Variants in ANKRD13D observed in about 807,000 individuals in gnomAD.
ANKRD13D encodes the protein ankyrin repeat domain-containing protein 13D.
In ANKRD13D, 24 loss-of-function variants were observed where a neutral mutation model predicts 68.8. The observed-to-expected ratio is 0.35, with a 90% CI of 0.25 to 0.49. ANKRD13D has a LOEUF of 0.49. Ranked by LOEUF, ANKRD13D falls within the 20% of genes least tolerant of loss-of-function variation. The pLI is 0.99. For synonymous variants in ANKRD13D, 331 were observed against 336.1 expected (o/e 0.98, Z 0.16); for missense variants, 735 against 832.1 (o/e 0.88, Z 1.44).
chr11:67,294,753 C>T (rs1260657321), intron 6 of ANKRD13D, among the ~76,000 whole-genome samples: 1 of 152,094 alleles, frequency 6.6e-6, no homozygotes, highest in Admixed American at 6.6e-5. Flanking sequence ...TCGGACCAGG[C>T]TGGTCTCCAA....
intron 6 of ANKRD13D, among the ~76,000 whole-genome samples, chr11:67,296,782 C>A (rs1219875090): frequency 2.0e-5 from 3 of 152,022 alleles, no homozygotes; most frequent in Non-Finnish European, 2.9e-5. Flanking sequence ...CACCACCAAG[C>A]CCAGCTAATT....
At chr11:67,297,526 G>GTTT (rs34979469) in intron 6 of ANKRD13D, among the ~76,000 whole-genome samples, 13 of 134,388 alleles carry the variant, frequency 9.7e-5, no homozygotes, top group Admixed American at 4.4e-4. Context: ...AAGTTTTTTG[G>GTTT]TTTTTTTTTT....
rs530505341 is a variant in ANKRD13D at position 67,302,137 on chromosome 11, G to C, written c.1623G>C (p.Leu541=). ...CTGGAAGGGCCCTCCAGGAAAGCCTGCAGCTGTCCACAGAGCCCAGGGGCC... is the reference window on the plus strand; with the variant it reads ...CTGGAAGGGCCCTCCAGGAAAGCCTCCAGCTGTCCACAGAGCCCAGGGGCC... ...LQLERALQES[L]QLSTEPRGPG... Residue 541 remains leucine (L), a synonymous_variant, in exon 15 of 15, where the codon CTG becomes CTC. Coordinates refer to ENST00000511455, the MANE Select transcript of ANKRD13D (RefSeq NM_207354.3). 5.7e-5 allele frequency: 90 copies of C among 1,586,052 alleles called. No homozygotes were observed. The African/African-American group carries it at 1.1e-3, about 20-fold the overall frequency.
intron 6 of ANKRD13D, among the ~76,000 whole-genome samples, chr11:67,294,044 A>T (rs1350148870): frequency 6.6e-6 from 1 of 152,210 alleles, no homozygotes; most frequent in Non-Finnish European, 1.5e-5. Context: ...AGTTGACCAT[A>T]GATAAATTGG....
Position 67,299,312 on chromosome 11 carries a change from A to G in ANKRD13D, c.798+188A>G, listed in dbSNP as rs527573062. 194 of 736,280 alleles carry G rather than the reference A, an allele frequency of 2.6e-4. No homozygotes were observed. The African/African-American group carries it at 2.9e-3, about 11-fold the overall frequency. The allele number at this position is 736,280 out of a possible 1,614,324, so 45.6% of individuals were successfully genotyped here. Reference sequence around the variant, plus strand: ...TCACCCACATCATGGGCCCCTACCCAGGGTACCGAGATCAAAAGAGGAGTG... The same window carrying G: ...TCACCCACATCATGGGCCCCTACCCGGGGTACCGAGATCAAAAGAGGAGTG... On this transcript the variant is annotated intron_variant, in intron 7 of 14. Coordinates refer to ENST00000511455, the MANE Select transcript of ANKRD13D (RefSeq NM_207354.3). The surrounding 1 kb of genome is among the most constrained non-coding windows in gnomAD (Gnocchi z 6.2).
intron 1 of ANKRD13D, 145 bp from the exon 2 acceptor site, chr11:67,289,933 A>G (rs893429441): frequency 9.7e-6 from 14 of 1,437,842 alleles, no homozygotes; most frequent in Non-Finnish European, 1.3e-5. Context: ...CTCCCCTGCC[A>G]GGACACGCAG....
Position 67,302,434 on chromosome 11 carries a change from G to T in ANKRD13D, c.*102G>T. On this transcript the variant is annotated 3_prime_UTR_variant, in exon 15 of 15. Coordinates refer to ENST00000511455, the MANE Select transcript of ANKRD13D (RefSeq NM_207354.3). Reference sequence around the variant, plus strand: ...CTGAGCTTGGGGCCTGGAGCCCCAGGAATGAGCAGGCAGGGGAGACTGAGA... The same window carrying T: ...CTGAGCTTGGGGCCTGGAGCCCCAGTAATGAGCAGGCAGGGGAGACTGAGA... 1 of 1,408,494 alleles carries T rather than the reference G, an allele frequency of 7.1e-7. No homozygotes were observed. The allele number at this position is 1,408,494 out of a possible 1,614,324, so 87.2% of individuals were successfully genotyped here.
In ANKRD13D at chr11:67,290,307, G is replaced by C. The variant is rs1860480397; in HGVS notation, c.227-15G>C. ...GTCATCTGGAGGGCTCCCCTCAGCA[G>C]CCTGGTGCCCGCAGTCCTGCAGGAG... On this transcript the variant is annotated splice_polypyrimidine_tract_variant and intron_variant, in intron 2 of 14. Coordinates refer to ENST00000511455, the MANE Select transcript of ANKRD13D (RefSeq NM_207354.3). 6.5e-7 allele frequency: 1 copy of C among 1,548,822 alleles called. No homozygotes were observed. Among genetic ancestry groups the C allele is most frequent in the Non-Finnish European group, 8.7e-7 (1 of 1,145,836 alleles).
rs747378704 is a variant in ANKRD13D at position 67,301,231 on chromosome 11, G to C, written c.1232-51G>C. 2 of 1,595,956 alleles carry C rather than the reference G, an allele frequency of 1.3e-6. No homozygotes were observed. The highest frequency in any genetic ancestry group is 2.7e-5 in the African/African-American group (2 of 74,694). ...AGTCCCTGGAGAGCTGCAGGGGCCG[G>C]AGGCACAGGTGGCTCTCCGCCAGGG... is the stretch of plus-strand genomic sequence containing the variant. On this transcript the variant is annotated intron_variant, in intron 11 of 14. Transcript: ENST00000511455. The surrounding 1 kb of genome is among the most constrained non-coding windows in gnomAD (Gnocchi z 4.5).
At chr11:67,292,588 GC>G (rs1211090945) in intron 6 of ANKRD13D, among the ~76,000 whole-genome samples, 1 of 151,434 alleles carries the variant, frequency 6.6e-6, no homozygotes, top group Non-Finnish European at 1.5e-5. Context: ...GACAACACAT[GC>G]CCCCTCTTGC....
In ANKRD13D at chr11:67,301,939, G is replaced by A; in HGVS notation, c.1604+116G>A. The A allele has an allele frequency of 1.5e-6, 2 of 1,351,034 alleles. No homozygotes were observed. The highest frequency in any genetic ancestry group is 2.0e-6 in the Non-Finnish European group (2 of 1,005,808). The allele number at this position is 1,351,034 out of a possible 1,614,324, so 83.7% of individuals were successfully genotyped here. ...CCCTCTGCAAGGCCACCCTCTGTCA[G>A]CAGCGCTATCTGCCACCAAAGGTGG... On this transcript the variant is annotated intron_variant, in intron 14 of 14. Coordinates refer to ENST00000511455, the MANE Select transcript of ANKRD13D (RefSeq NM_207354.3). The surrounding 1 kb of genome is among the most constrained non-coding windows in gnomAD (Gnocchi z 4.5).
Position 67,300,008 on chromosome 11 carries a change from GCAGCCAGCCCCACCAACCCCA to G in ANKRD13D, c.965_985del (p.Ser322_Ala328del), listed in dbSNP as rs750696794. On this transcript the variant is annotated inframe_deletion, in exon 10 of 15. Coordinates refer to ENST00000511455, the MANE Select transcript of ANKRD13D (RefSeq NM_207354.3). This position sits in a 1 kb window ranked among gnomAD's most constrained non-coding sequence, Gnocchi z 4.3. ...ACCCACGCAGGCCCCCGTGCAGCAG[GCAGCCAGCCCCACCAACCCCA>G]CAGCCATCTCCCCTGAGGAGTACTT... 4.3e-6 allele frequency: 7 copies of G among 1,612,986 alleles called. No homozygotes were observed. The highest frequency in any genetic ancestry group is 3.3e-5 in the Admixed American group (2 of 59,926).
rs1295097105 is a variant in ANKRD13D at position 67,299,891 on chromosome 11, G to T, written c.942+3G>T. The T allele has an allele frequency of 6.5e-7, 1 of 1,547,160 alleles. No individual in the cohort carries two copies. ...AGCAGCATTCCTCCCACACCGGGGTGAGCCGGGGCTGGGCCGAGACAGGGC... is the reference window on the plus strand; with the variant it reads ...AGCAGCATTCCTCCCACACCGGGGTTAGCCGGGGCTGGGCCGAGACAGGGC... On this transcript the variant is annotated splice_donor_region_variant and intron_variant, in intron 9 of 14. Transcript: ENST00000511455. The surrounding 1 kb of genome is among the most constrained non-coding windows in gnomAD (Gnocchi z 6.2).
chr11:67,298,819 C>T (rs965291726), intron 6 of ANKRD13D: 1 of 547,898 alleles, frequency 1.8e-6, no homozygotes, highest in Admixed American at 3.0e-5. Flanking sequence ...CCAGCCCCGA[C>T]ACTATCATAC....
rs1299187867 is a variant in ANKRD13D, at chr11:67,302,263, G to A, written c.1749G>A (p.Arg583=). 6.4e-7 allele frequency: 1 copy of A among 1,570,132 alleles called. No individual in the cohort carries two copies. The highest frequency in any genetic ancestry group is 8.6e-7 in the Non-Finnish European group (1 of 1,157,088). ...LELSSREQEE[R]ERRGQQEEED... ...TGTCTTCACGGGAGCAGGAGGAGCG[G>A]GAGCGGCGCGGGCAGCAGGAGGAGG... is the stretch of plus-strand genomic sequence containing the variant. The change falls in exon 15 of 15, where the codon CGG becomes CGA. Residue 583 remains arginine (R), a synonymous_variant. Transcript: ENST00000511455.
chr11:67,294,407 A>C (rs191781573), intron 6 of ANKRD13D, among the ~76,000 whole-genome samples: 59 of 152,342 alleles, frequency 3.9e-4, no homozygotes, highest in African/African-American at 1.4e-3. Context: ...ATCCGTGAAC[A>C]TGGGATGTTT....
In ANKRD13D at chr11:67,299,269, C is replaced by T. The variant is rs1860880676; in HGVS notation, c.798+145C>T. On this transcript the variant is annotated intron_variant, in intron 7 of 14. Transcript: ENST00000511455. The surrounding 1 kb of genome is among the most constrained non-coding windows in gnomAD (Gnocchi z 6.2). ...CTCAGCGGGCCTGAGTGCCCAGCCC[C>T]TGCGGAGTACACAGGGCTCACCCAC... The T allele has an allele frequency of 1.0e-6, 1 of 982,808 alleles. No individual in the cohort carries two copies. The allele number at this position is 982,808 out of a possible 1,614,324, so 60.9% of individuals were successfully genotyped here. A position where few individuals can be genotyped will look rare whatever the true frequency, so the allele number is the denominator to read the frequency against.
intron 6 of ANKRD13D, among the ~76,000 whole-genome samples, chr11:67,296,338 A>AGTGTGTGTGTGT (rs35848734): frequency 4.7e-5 from 7 of 147,680 alleles, no homozygotes; most frequent in Middle Eastern, 3.4e-3. Flanking sequence ...TTTGGGCCTG[A>AGTGTGTGTGTGT]GTGTGTGTGT....
In ANKRD13D at chr11:67,300,787, C is replaced by G. The variant is rs369002025; in HGVS notation, c.1074-203C>G. 1.4e-5 allele frequency: 9 copies of G among 624,626 alleles called. No individual in the cohort carries two copies. The highest frequency in any genetic ancestry group is 8.5e-5 in the East Asian group (3 of 35,290). 38.7% of individuals were successfully genotyped at this position (624,626 alleles called of 1,614,324 possible). A position where few individuals can be genotyped will look rare whatever the true frequency, so the allele number is the denominator to read the frequency against. On this transcript the variant is annotated intron_variant, in intron 10 of 14. Coordinates refer to ENST00000511455, the MANE Select transcript of ANKRD13D (RefSeq NM_207354.3). The surrounding 1 kb of genome is among the most constrained non-coding windows in gnomAD (Gnocchi z 4.3). ...GTACGAAATCCTCAGGAGCCCCAGC[C>G]TGGGCCCAGGGAGGAGGGCAGCTTG...
Sources: gnomAD v4.1 joint callset for allele counts (sites outside exome capture counted in the v4.1 genomes callset) on GRCh38, gnomAD v4.1.1 for gene constraint, Gnocchi (gnomAD v3.1) non-coding constraint, MANE v1.5 for transcripts, NCBI Gene and HGNC (gene_info 2026-07-23, HGNC 2026-07-21) for gene names.